SLC39A11: variants seen among roughly 807,000 people sequenced by gnomAD.
SLC39A11 encodes the protein solute carrier family 39 member 11, also known as zinc transporter ZIP11.
A neutral mutation model predicts 36.1 loss-of-function variants in SLC39A11; 33 were observed. That is an observed-to-expected ratio of 0.91 (90% CI 0.69 to 1.22). The LOEUF is 1.22. Ranked by LOEUF, SLC39A11 falls within the 50% of genes most tolerant of loss-of-function variation. The pLI is 0.00. For synonymous variants in SLC39A11, 166 were observed against 170.3 expected, an observed-to-expected ratio of 0.97 and a Z score of 0.20; for missense variants, 432 against 430.3, an observed-to-expected ratio of 1.00 and a Z score of -0.03.
chr17:72,662,615 G>GAGAGAA (rs2070504930), intron 7 of SLC39A11, among the ~76,000 whole-genome samples: 2 of 87,618 alleles, frequency 2.3e-5, no homozygotes, highest in African/African-American at 9.8e-5. Context: ...AGGAAGGAAG[G>GAGAGAA]AGAGAAGAAA....
intron 5 of SLC39A11, among the ~76,000 whole-genome samples, chr17:72,931,344 T>C (rs2084382923): frequency 6.6e-6 from 1 of 152,146 alleles, no homozygotes; most frequent in South Asian, 2.1e-4. Context: ...GGCAACACCT[T>C]GCAGAAAGCG....
chr17:72,806,656 C>T (rs374526465), intron 6 of SLC39A11, among the ~76,000 whole-genome samples: 12 of 152,250 alleles, frequency 7.9e-5, no homozygotes, highest in African/African-American at 2.6e-4. Context: ...GATCTTGGCT[C>T]ACTGCAACCT....
chr17:72,761,268 C>T (rs1424202768), intron 6 of SLC39A11, among the ~76,000 whole-genome samples: 1 of 152,112 alleles, frequency 6.6e-6, no homozygotes, highest in Non-Finnish European at 1.5e-5. Context: ...GCACCCGCCA[C>T]CACGCCTGGC....
chr17:72,776,545 C>T (rs1010307028), intron 6 of SLC39A11, among the ~76,000 whole-genome samples: 5 of 138,902 alleles, frequency 3.6e-5, no homozygotes, highest in Admixed American at 3.1e-4. Flanking sequence ...TTTAAAATTG[C>T]TTTCGTTTCA....
At chr17:72,833,892 G>C (rs182807845) in intron 6 of SLC39A11, among the ~76,000 whole-genome samples, 20 of 152,310 alleles carry the variant, frequency 1.3e-4, no homozygotes, top group African/African-American at 4.1e-4. Context: ...ACAGGAGCAA[G>C]AGAATGGTAT....
chr17:72,759,522 A>C (rs2075494466), intron 6 of SLC39A11, among the ~76,000 whole-genome samples: 1 of 152,206 alleles, frequency 6.6e-6, no homozygotes, highest in South Asian at 2.1e-4. Flanking sequence ...TAAAAGCAGT[A>C]ACATCATGGT....
At chr17:72,924,162 A>AAAAT (rs560384382) in intron 5 of SLC39A11, among the ~76,000 whole-genome samples, 1 of 120,568 alleles carries the variant, frequency 8.3e-6, no homozygotes, top group African/African-American at 3.8e-5. Context: ...AAAAAAAAAA[A>AAAAT]TTTTTTTTTT....
chr17:72,664,418 T>A (rs1378205617), intron 7 of SLC39A11, among the ~76,000 whole-genome samples: 1 of 152,138 alleles, frequency 6.6e-6, no homozygotes, highest in Non-Finnish European at 1.5e-5. Flanking sequence ...GAGGAGACCA[T>A]AAACCGTGGT....
At position 72,792,359 on chromosome 17, in the gene SLC39A11, A is replaced by G. The variant is rs921329381; in HGVS notation, c.602-55640T>C. Among the ~76,000 whole-genome samples the G allele has an allele frequency of 3.9e-5, 6 of 152,288 alleles. No homozygotes were observed. The East Asian group carries it at 1.2e-3, about 29-fold the overall frequency. ...GCTGGCAGGCAGTGAGGTAGAACCC[A>G]GAAAGTTGAGGACTGGGCTGGGTGC... On this transcript the variant is annotated intron_variant, in intron 6 of 9. Coordinates refer to ENST00000255559, the MANE Select transcript of SLC39A11 (RefSeq NM_139177.4).
At chr17:72,787,119 C>T (rs1227305321) in intron 6 of SLC39A11, among the ~76,000 whole-genome samples, 1 of 151,918 alleles carries the variant, frequency 6.6e-6, no homozygotes, top group Non-Finnish European at 1.5e-5. Context: ...CAAGCCTGGC[C>T]GCAATCCCTT....
intron 4 of SLC39A11, among the ~76,000 whole-genome samples, chr17:73,015,629 G>T (rs1448674316): frequency 6.6e-6 from 1 of 152,088 alleles, no homozygotes; most frequent in Non-Finnish European, 1.5e-5. Context: ...TGTCGCCCAG[G>T]CTGGAGTGCA....
intron 5 of SLC39A11, among the ~76,000 whole-genome samples, chr17:72,856,251 ATATT>A (rs2079636548): frequency 6.6e-6 from 1 of 152,170 alleles, no homozygotes; most frequent in African/African-American, 2.4e-5. Context: ...TGAAATAAGT[ATATT>A]TATTTATGGG....
chr17:73,049,713 C>T (rs1599026784), intron 3 of SLC39A11, among the ~76,000 whole-genome samples: 1 of 152,268 alleles, frequency 6.6e-6, no homozygotes, highest in East Asian at 1.9e-4. Flanking sequence ...TTGTAATGAA[C>T]AAGACAGGCA....
intron 5 of SLC39A11, among the ~76,000 whole-genome samples, chr17:72,939,652 G>A (rs1003881850): frequency 2.0e-5 from 3 of 152,274 alleles, no homozygotes; most frequent in East Asian, 1.9e-4. Flanking sequence ...TGTGGGCAGA[G>A]ATTGAATTGA....
intron 5 of SLC39A11, among the ~76,000 whole-genome samples, chr17:72,889,630 C>T (rs1387403304): frequency 6.6e-6 from 1 of 152,176 alleles, no homozygotes; most frequent in Non-Finnish European, 1.5e-5. Context: ...TTCTTTGATG[C>T]TAGTGTTGTT....
At chr17:72,973,898 T>C (rs975201417) in intron 4 of SLC39A11, among the ~76,000 whole-genome samples, 3 of 152,088 alleles carry the variant, frequency 2.0e-5, no homozygotes, top group African/African-American at 7.2e-5. Context: ...TGAAAGTTTG[T>C]GTCCTCCCAA....
chr17:72,806,912 CTCTT>C (rs1211269129), intron 6 of SLC39A11, among the ~76,000 whole-genome samples: 1 of 152,172 alleles, frequency 6.6e-6, no homozygotes, highest in Admixed American at 6.5e-5. Flanking sequence ...GCTCCATTTT[CTCTT>C]TCTTTCTGGA....
chr17:72,934,730 T>G (rs1189382356), intron 5 of SLC39A11, among the ~76,000 whole-genome samples: 4 of 152,098 alleles, frequency 2.6e-5, no homozygotes, highest in Admixed American at 2.6e-4. Flanking sequence ...AAGCAAAAGA[T>G]TTTGACACCA....
intron 3 of SLC39A11, among the ~76,000 whole-genome samples, chr17:73,075,320 G>A (rs749409442): frequency 7.2e-5 from 11 of 152,190 alleles, no homozygotes; most frequent in Non-Finnish European, 1.5e-4. Context: ...AGTCAACTGA[G>A]GCCCAGGAAG....
Sources: allele counts gnomAD v4.1 joint callset (sites outside exome capture counted in the v4.1 genomes callset), GRCh38; gene constraint gnomAD v4.1.1; transcripts MANE v1.5; gene names NCBI Gene and HGNC (gene_info 2026-07-23, HGNC 2026-07-21).